The following PIGL variants were observed in gnomAD, a reference collection of about 807,000 sequenced individuals.
PIGL encodes the protein phosphatidylinositol glycan anchor biosynthesis class L.
Under a neutral mutation model 31.1 loss-of-function variants are expected in PIGL, and 22 were observed. The observed-to-expected ratio is 0.71, with a 90% confidence interval of 0.51 to 1.01. The LOEUF (loss-of-function observed/expected upper bound fraction) is 1.01. Among genes scored for constraint, PIGL ranks in the 50% least tolerant of loss-of-function variants. The pLI is 0.00. For synonymous variants in PIGL, 131 were observed against 117.4 expected (o/e 1.12, Z -0.75); for missense variants, 302 against 315.9 (o/e 0.96, Z 0.33).
Position 16,217,242 on chromosome 17 carries a change from C to A in PIGL, c.16C>A (p.Leu6Ile). 6.2e-7 allele frequency: 1 copy of A among 1,614,108 alleles called. No homozygotes were observed. The highest frequency in any genetic ancestry group is 8.5e-7 in the Non-Finnish European group (1 of 1,179,970). Residue 6 changes from leucine to isoleucine, a missense_variant, in exon 1 of 7, where the codon CTC becomes ATC. Leu to Ile is a conservative substitution (Grantham distance 5, BLOSUM62 2). Coordinates refer to ENST00000225609, the MANE Select transcript of PIGL (RefSeq NM_004278.4). The part of the protein sequence containing the change: MEAMW[L>I]LCVALAVLAW... Reference sequence around the variant, plus strand: ...CTTACCCATCATGGAAGCAATGTGGCTCCTGTGTGTGGCGTTGGCGGTCTT... The same window carrying A: ...CTTACCCATCATGGAAGCAATGTGGATCCTGTGTGTGGCGTTGGCGGTCTT...
At chr17:16,251,157 G>A (rs2092769480) in intron 2 of PIGL, among the ~76,000 whole-genome samples, 1 of 152,150 alleles carries the variant, frequency 6.6e-6, no homozygotes, top group Non-Finnish European at 1.5e-5. Flanking sequence ...TGGGCACGGT[G>A]GCTTGTGCAT....
intron 5 of PIGL, chr17:16,317,508 G>C (rs2093083041): frequency 8.3e-7 from 1 of 1,203,364 alleles, no homozygotes; most frequent in Non-Finnish European, 1.0e-6. Flanking sequence ...GAGGTAGCCA[G>C]ATCTCAACCT....
At chr17:16,325,743 G>GT in intron 6 of PIGL, 57 bp from the exon 7 acceptor site, 1 of 1,293,698 alleles carries the variant, frequency 7.7e-7, no homozygotes, top group Non-Finnish European at 1.1e-6. Flanking sequence ...AGATCTGAAA[G>GT]TAATGAAACA....
intron 2 of PIGL, among the ~76,000 whole-genome samples, chr17:16,268,017 G>A (rs1048269488): frequency 2.0e-5 from 3 of 152,186 alleles, no homozygotes; most frequent in Non-Finnish European, 4.4e-5. Context: ...CCAGGGAGGG[G>A]AGGAGACTGT....
intron 2 of PIGL, among the ~76,000 whole-genome samples, chr17:16,294,442 C>A (rs995130243): frequency 2.0e-5 from 3 of 152,042 alleles, no homozygotes; most frequent in African/African-American, 7.3e-5. Context: ...CTGTGGTGCC[C>A]CCATGTCCCC....
chr17:16,276,643 A>G (rs2092896935), intron 2 of PIGL, among the ~76,000 whole-genome samples: 1 of 152,230 alleles, frequency 6.6e-6, no homozygotes, highest in African/African-American at 2.4e-5. Flanking sequence ...AGGCTGAGGC[A>G]GGAGAATCAC....
intron 3 of PIGL, among the ~76,000 whole-genome samples, chr17:16,312,982 TTG>T (rs1467365353): frequency 6.6e-6 from 1 of 151,874 alleles, no homozygotes; most frequent in African/African-American, 2.4e-5. Context: ...TTTAATTCAT[TTG>T]TGTAGAAATG....
chr17:16,254,058 C>T (rs141360184), intron 2 of PIGL, among the ~76,000 whole-genome samples: 36 of 152,282 alleles, frequency 2.4e-4, no homozygotes, highest in Middle Eastern at 3.4e-3. Context: ...TGCATCCACA[C>T]CTTTGCATGT....
intron 6 of PIGL, among the ~76,000 whole-genome samples, chr17:16,318,775 A>G (rs1470938692): frequency 6.6e-6 from 1 of 151,656 alleles, no homozygotes; most frequent in Admixed American, 6.6e-5. Flanking sequence ...TACTAAAGCT[A>G]CAAAAATTAG....
chr17:16,294,130 G>C (rs1014781694), intron 2 of PIGL, among the ~76,000 whole-genome samples: 3 of 152,182 alleles, frequency 2.0e-5, no homozygotes, highest in African/African-American at 7.2e-5. Context: ...TCAATCATTT[G>C]CTTATGACAC....
chr17:16,293,625 G>A (rs2092969864), intron 2 of PIGL, among the ~76,000 whole-genome samples: 1 of 152,192 alleles, frequency 6.6e-6, no homozygotes, highest in East Asian at 1.9e-4. Context: ...CAAATATAGA[G>A]TACTTCTGTC....
In PIGL at chr17:16,241,976, C is replaced by CTT. The variant is rs561915400; in HGVS notation, c.335+7908_335+7909dup. Among the ~76,000 whole-genome samples the CTT allele has an allele frequency of 8.0e-3, 1,223 of 152,150 alleles. 7 individuals are homozygous for CTT. Among genetic ancestry groups the CTT allele is most frequent in the Middle Eastern group, 0.014 (4 of 292 alleles). On this transcript the variant is annotated intron_variant, in intron 2 of 6. Coordinates refer to ENST00000225609, the MANE Select transcript of PIGL (RefSeq NM_004278.4). ...CACTTACAATTTTTTTAGCAAATCTCTTTGAAGTTCTGACTCTTTCCATAA... is the reference window on the plus strand; with the variant it reads ...CACTTACAATTTTTTTAGCAAATCTCTTTTTGAAGTTCTGACTCTTTCCATAA...
At chr17:16,252,639 A>G (rs1488499984) in intron 2 of PIGL, among the ~76,000 whole-genome samples, 1 of 151,676 alleles carries the variant, frequency 6.6e-6, no homozygotes, top group East Asian at 1.9e-4. Context: ...ATCCTACACA[A>G]CTAATAAAAC....
At chr17:16,324,983 A>T (rs2093121062) in intron 6 of PIGL, among the ~76,000 whole-genome samples, 1 of 152,154 alleles carries the variant, frequency 6.6e-6, no homozygotes, top group African/African-American at 2.4e-5. Context: ...ATAGTGTACT[A>T]GCTTTCTTCC....
intron 2 of PIGL, among the ~76,000 whole-genome samples, chr17:16,257,883 G>A (rs923867790): frequency 1.3e-5 from 2 of 151,858 alleles, no homozygotes; most frequent in Non-Finnish European, 2.9e-5. Context: ...TGGCCAACAT[G>A]GTGAAACCCC....
intron 2 of PIGL, among the ~76,000 whole-genome samples, chr17:16,263,809 C>A (rs1406191629): frequency 2.0e-5 from 3 of 148,090 alleles, no homozygotes; most frequent in Admixed American, 6.8e-5. Context: ...GTGTGAGCCA[C>A]CACACCCAGC....
At chr17:16,221,852 C>G (rs535731583) in intron 1 of PIGL, among the ~76,000 whole-genome samples, 360 of 152,222 alleles carry the variant, frequency 2.4e-3, no homozygotes, top group Non-Finnish European at 3.7e-3. Context: ...AACTCCTGAC[C>G]TCGTGATTCG....
intron 2 of PIGL, among the ~76,000 whole-genome samples, chr17:16,282,420 TC>T (rs1308503450): frequency 1.3e-5 from 2 of 152,166 alleles, no homozygotes; most frequent in East Asian, 1.9e-4. Context: ...TGTTTTTTTT[TC>T]ACCAGTCTAG....
rs540631567 is a variant in PIGL at position 16,271,541 on chromosome 17, T to C, written c.336-28347T>C. On this transcript the variant is annotated intron_variant, in intron 2 of 6. Transcript: ENST00000225609. ...CCCAAATTTCACATAGAACACTTTT[T>C]TTTTTTTTGAGATGGAGTTTTGCTC... 2.6e-5 allele frequency among the ~76,000 whole-genome samples: 4 copies of C among 152,294 alleles called. No individual in the cohort carries two copies. In the South Asian group the frequency reaches 8.3e-4, roughly 32 times the overall value.
Sources: gnomAD v4.1 joint callset for allele counts (sites outside exome capture counted in the v4.1 genomes callset) on GRCh38, gnomAD v4.1.1 for gene constraint, MANE v1.5 for transcripts, NCBI Gene and HGNC (gene_info 2026-07-23, HGNC 2026-07-21) for gene names.